Variants in OXCT1 observed in about 807,000 individuals in gnomAD.
The protein encoded by OXCT1 is succinyl-CoA:3-ketoacid coenzyme A transferase 1, mitochondrial.
Under a neutral mutation model 69.6 loss-of-function variants are expected in OXCT1, and 27 were observed. That is an observed-to-expected ratio of 0.39 (90% confidence interval 0.29 to 0.54). The LOEUF is 0.54. Ranked by LOEUF, OXCT1 falls within the 20% of genes least tolerant of loss-of-function variation. OXCT1 has a pLI of 0.72. For synonymous variants in OXCT1, 202 were observed against 217.8 expected, an observed-to-expected ratio of 0.93 and a Z score of 0.64; for missense variants, 437 against 650.2, an observed-to-expected ratio of 0.67 and a Z score of 3.57.
chr5:41,793,897 A>T (rs1746049612), intron 13 of OXCT1, 106 bp downstream of exon 13: 3 of 752,586 alleles, frequency 4.0e-6, no homozygotes, highest in Non-Finnish European at 7.0e-6. Flanking sequence ...TATATATTAA[A>T]ATATTTCATT....
At chr5:41,767,578 A>T (rs1033114039) in intron 13 of OXCT1, among the ~76,000 whole-genome samples, 11 of 151,214 alleles carry the variant, frequency 7.3e-5, no homozygotes, top group African/African-American at 2.7e-4. Context: ...AATTCCCTGG[A>T]GAGAGAAAAT....
chr5:41,863,874 AAC>A (rs1423868443), intron 1 of OXCT1, among the ~76,000 whole-genome samples: 2 of 152,204 alleles, frequency 1.3e-5, no homozygotes, highest in Non-Finnish European at 2.9e-5. Context: ...ATATGAACAA[AAC>A]ACATACCTAC....
intron 16 of OXCT1, among the ~76,000 whole-genome samples, chr5:41,739,134 A>G (rs1338250252): frequency 1.3e-5 from 2 of 152,242 alleles, no homozygotes; most frequent in Non-Finnish European, 2.9e-5. Flanking sequence ...GCTCAAGCTC[A>G]ACCTTGTTTC....
At chr5:41,756,007 CTA>C (rs1293632456) in intron 14 of OXCT1, among the ~76,000 whole-genome samples, 4 of 151,994 alleles carry the variant, frequency 2.6e-5, no homozygotes, top group African/African-American at 7.2e-5. Context: ...GTGAGTGAAG[CTA>C]TATGAGTATA....
intron 15 of OXCT1, among the ~76,000 whole-genome samples, chr5:41,746,003 C>G (rs915666577): frequency 6.6e-6 from 1 of 152,118 alleles, no homozygotes; most frequent in Non-Finnish European, 1.5e-5. Flanking sequence ...CCTTCCAAAA[C>G]TACTCGAATC....
chr5:41,799,451 G>A (rs1746329141), intron 11 of OXCT1, among the ~76,000 whole-genome samples: 1 of 152,186 alleles, frequency 6.6e-6, no homozygotes, highest in South Asian at 2.1e-4. Context: ...CACTTCAAGT[G>A]TTGAAGTTGA....
At chr5:41,866,208 T>A (rs960444427) in intron 1 of OXCT1, among the ~76,000 whole-genome samples, 4 of 152,196 alleles carry the variant, frequency 2.6e-5, no homozygotes, top group African/African-American at 9.6e-5. Flanking sequence ...TGTCATTTAT[T>A]GGAGTTTAGT....
rs907245297 is a variant in OXCT1 at position 41,755,581 on chromosome 5, A to G, written c.1339-5974T>C. Reference sequence around the variant, plus strand: ...TCTCCCAAGAAAGGGTTTTCCTTAAAAAGCCTTCATATTTGTTGGCTTTTG... The same window carrying G: ...TCTCCCAAGAAAGGGTTTTCCTTAAGAAGCCTTCATATTTGTTGGCTTTTG... On this transcript the variant is annotated intron_variant, in intron 14 of 16. Transcript: ENST00000196371. 5.3e-5 allele frequency among the ~76,000 whole-genome samples: 8 copies of G among 152,128 alleles called. 1 individual carries two copies. The highest frequency in any genetic ancestry group is 5.2e-4 in the Admixed American group (8 of 15,262).
At chr5:41,794,615 T>G (rs1746086540) in intron 12 of OXCT1, 62 bp downstream of exon 12, 1 of 1,461,542 alleles carries the variant, frequency 6.8e-7, no homozygotes, top group East Asian at 2.3e-5. Context: ...GCTAACACAC[T>G]CAGACGATGA....
At chr5:41,850,852 T>C (rs993086938) in intron 4 of OXCT1, among the ~76,000 whole-genome samples, 1 of 152,190 alleles carries the variant, frequency 6.6e-6, no homozygotes, top group African/African-American at 2.4e-5. Flanking sequence ...TCAAGACTAG[T>C]TTCCCTGGCT....
At chr5:41,867,254 C>G (rs1457597767) in intron 1 of OXCT1, among the ~76,000 whole-genome samples, 1 of 152,148 alleles carries the variant, frequency 6.6e-6, no homozygotes, top group Non-Finnish European at 1.5e-5. Flanking sequence ...GGTATGGAAA[C>G]TCATTATTTC....
chr5:41,745,561 C>A (rs1334891464), intron 15 of OXCT1, among the ~76,000 whole-genome samples: 4 of 152,062 alleles, frequency 2.6e-5, no homozygotes, highest in Admixed American at 2.0e-4. Flanking sequence ...CAGAGCAGAA[C>A]TGAAGGAAAT....
At chr5:41,807,675 G>C (rs1746752759) in intron 7 of OXCT1, among the ~76,000 whole-genome samples, 1 of 151,932 alleles carries the variant, frequency 6.6e-6, no homozygotes, top group Non-Finnish European at 1.5e-5. Flanking sequence ...AGACCATTAG[G>C]CTCCAGAAGT....
chr5:41,740,661 T>C (rs1272267148), intron 15 of OXCT1, among the ~76,000 whole-genome samples: 1 of 152,194 alleles, frequency 6.6e-6, no homozygotes, highest in African/African-American at 2.4e-5. Context: ...CTTCAAAACA[T>C]TCTTCTCAGA....
chr5:41,853,305 T>G (rs951711729), intron 4 of OXCT1, 114 bp downstream of exon 4: 1 of 896,966 alleles, frequency 1.1e-6, no homozygotes. Context: ...ATTCCCTGGT[T>G]TGGCAAAGTA....
intron 13 of OXCT1, among the ~76,000 whole-genome samples, chr5:41,788,532 CA>C (rs1195526362): frequency 6.6e-6 from 1 of 152,078 alleles, no homozygotes; most frequent in East Asian, 1.9e-4. Flanking sequence ...ACTATATCAG[CA>C]TCAGACAGTA....
chr5:41,868,040 A>G (rs1030164729), intron 1 of OXCT1, among the ~76,000 whole-genome samples: 6 of 152,208 alleles, frequency 3.9e-5, no homozygotes, highest in Non-Finnish European at 7.4e-5. Flanking sequence ...CCCACCCAGG[A>G]CCTATTAAAT....
intron 16 of OXCT1, among the ~76,000 whole-genome samples, chr5:41,733,702 A>C (rs999385867): frequency 5.3e-5 from 8 of 152,178 alleles, no homozygotes; most frequent in African/African-American, 1.9e-4. Context: ...TGTCATTTAC[A>C]TTCTCAATGT....
At chr5:41,811,541 G>T (rs1035205091) in intron 7 of OXCT1, among the ~76,000 whole-genome samples, 1 of 151,928 alleles carries the variant, frequency 6.6e-6, no homozygotes, top group African/African-American at 2.4e-5. Flanking sequence ...AAAATCCAAA[G>T]GAGCAAGAAA....
Sources: allele counts gnomAD v4.1 joint callset (sites outside exome capture counted in the v4.1 genomes callset), GRCh38; gene constraint gnomAD v4.1.1; transcripts MANE v1.5; gene names NCBI Gene and HGNC (gene_info 2026-07-23, HGNC 2026-07-21).